The following HNRNPK variants were observed in gnomAD, a reference collection of about 807,000 sequenced individuals.
HNRNPK encodes dC-stretch binding protein.
A neutral mutation model predicts 67.0 loss-of-function variants in HNRNPK; 7 were observed. The ratio of observed to expected loss-of-function variants is 0.10; its 90% confidence interval spans 0.06 to 0.20. The LOEUF (loss-of-function observed/expected upper bound fraction) is 0.20. Among genes scored for constraint, HNRNPK ranks in the 10% least tolerant of loss-of-function variants. The pLI, the probability that HNRNPK is intolerant of heterozygous loss-of-function variation, is 1.00. For synonymous variants in HNRNPK, 213 were observed against 193.7 expected (o/e 1.10, Z -0.83); for missense variants, 264 against 606.5 (o/e 0.44, Z 5.93).
At position 83,978,455 on chromosome 9, in the gene HNRNPK, A is replaced by G. The variant is rs564443487; in HGVS notation, c.-107-3T>C. 3.1e-4 allele frequency: 317 copies of G among 1,024,376 alleles called. No homozygotes were observed. Among genetic ancestry groups the G allele is most frequent in the Middle Eastern group, 1.4e-3 (4 of 2,842 alleles). 63.5% of individuals were successfully genotyped at this position (1,024,376 alleles called of 1,614,324 possible). A position where few individuals can be genotyped will look rare whatever the true frequency, so the allele number is the denominator to read the frequency against. ...TGACACCCCAGTGCTGCAGTAGCCT[A>G]TAAGAACCAACACAAATCAGTTTTG... On this transcript the variant is annotated splice_region_variant and splice_polypyrimidine_tract_variant and intron_variant, in intron 1 of 16. Coordinates refer to ENST00000376263, the MANE Select transcript of HNRNPK (RefSeq NM_031263.4).
In HNRNPK at chr9:83,972,209, A is replaced by C. The variant is rs780038177; in HGVS notation, c.646-20T>G. The C allele has an allele frequency of 1.9e-6, 3 of 1,552,020 alleles. No individual in the cohort carries two copies. The highest frequency in any genetic ancestry group is 2.4e-5 in the South Asian group (2 of 82,878). Reference sequence around the variant, plus strand: ...GGGAGACTAAAAACAGAGATGGAACAAACTTACAGACTGAAGAAAAAGAGT... The same window carrying C: ...GGGAGACTAAAAACAGAGATGGAACCAACTTACAGACTGAAGAAAAAGAGT... On this transcript the variant is annotated intron_variant, in intron 10 of 16. Transcript: ENST00000376263.
intron 12 of HNRNPK, 114 bp from the exon 13 acceptor site, chr9:83,971,470 A>G (rs1045455143): frequency 1.3e-5 from 11 of 833,574 alleles, no homozygotes; most frequent in Non-Finnish European, 1.8e-5. Flanking sequence ...ATATATAGGC[A>G]GCAATTTTGT....
rs773743120 is a variant in HNRNPK, at chr9:83,972,132, C to G, written c.703G>C (p.Asp235His). 6.2e-7 allele frequency: 1 copy of G among 1,613,596 alleles called. No homozygotes were observed. Among genetic ancestry groups the G allele is most frequent in the Non-Finnish European group, 8.5e-7 (1 of 1,179,732 alleles). Residue 235 changes from aspartate (D) to histidine (H), a missense_variant, in exon 11 of 17, where the codon GAT becomes CAT. Physicochemically the swap from Asp to His is moderately conservative, Grantham distance 81. Around this residue, in one of 6 missense-constraint regions of HNRNPK, gnomAD observed 142 missense variants for 256.5 expected, o/e 0.55. Transcript: ENST00000376263. ...YDPNFYDETY[D>H]YGGFTMMFDD... ...AACATCATTGTAAAACCACCATAAT[C>G]ATAGGTTTCATCGTAAAAATTGGGA...
intron 1 of HNRNPK, 73 bp from the exon 2 acceptor site, chr9:83,978,525 G>T: frequency 2.6e-6 from 1 of 378,176 alleles, no homozygotes; most frequent in Non-Finnish European, 4.2e-6. Flanking sequence ...CGATCACAGT[G>T]AATACTGATT....
At position 83,968,141 on chromosome 9, in the gene HNRNPK, C is replaced by A. The variant is rs1338090170; in HGVS notation, c.*1266G>T. ...ACGTTTCAACAAATTTTACAGGTGT[C>A]AATCAACCCTTGTTCAAATCGGGCA... On this transcript the variant is annotated 3_prime_UTR_variant, in exon 17 of 17. Coordinates refer to ENST00000376263, the MANE Select transcript of HNRNPK (RefSeq NM_031263.4). The A allele has an allele frequency of 1.3e-5, 2 of 152,554 alleles. No homozygotes were observed. Among genetic ancestry groups the A allele is most frequent in the Non-Finnish European group, 2.9e-5 (2 of 68,016 alleles). 9.5% of individuals were successfully genotyped at this position (152,554 alleles called of 1,614,324 possible). A position where few individuals can be genotyped will look rare whatever the true frequency, so the allele number is the denominator to read the frequency against.
chr9:83,977,316 C>T (rs1156762309), intron 4 of HNRNPK, among the ~76,000 whole-genome samples: 1 of 152,026 alleles, frequency 6.6e-6, no homozygotes, highest in African/African-American at 2.4e-5. Flanking sequence ...TTTATAGCAC[C>T]CTTTGGTAAA....
At chr9:83,969,837 C>G in intron 16 of HNRNPK, 1 of 611,404 alleles carries the variant, frequency 1.6e-6, no homozygotes, top group South Asian at 1.4e-5. Flanking sequence ...GTCTTCCACA[C>G]AGAACTAGGC....
Position 83,972,821 on chromosome 9 carries a change from A to G in HNRNPK, c.645+23T>C, listed in dbSNP as rs948597831. ...CACTTTGTTTCATAAAATCAAATGT[A>G]AACAAAAAGTGTTCTGAAGTACCTC... is the stretch of plus-strand genomic sequence containing the variant. On this transcript the variant is annotated intron_variant, in intron 10 of 16. Coordinates refer to ENST00000376263, the MANE Select transcript of HNRNPK (RefSeq NM_031263.4). 4 of 1,555,434 alleles carry G rather than the reference A, an allele frequency of 2.6e-6. No individual in the cohort carries two copies. The African/African-American group carries it at 5.5e-5, about 22-fold the overall frequency.
intron 10 of HNRNPK, chr9:83,972,418 G>A: frequency 1.9e-6 from 1 of 529,958 alleles, no homozygotes; most frequent in East Asian, 3.2e-5. Context: ...GCCTATACAG[G>A]GAGAAGTAAT....
Position 83,972,185 on chromosome 9 carries a change from G to C in HNRNPK, c.650C>G (p.Pro217Arg). 1 of 1,587,402 alleles carries C rather than the reference G, an allele frequency of 6.3e-7. No homozygotes were observed. The change falls in exon 11 of 17, where the codon CCC becomes CGC. Residue 217 changes from proline (P) to arginine (R), a missense_variant. By Grantham distance (103) the Pro-to-Arg change is moderately radical. Coordinates refer to ENST00000376263, the MANE Select transcript of HNRNPK (RefSeq NM_031263.4). ...KIILDLISES[P>R]IKGRAQPYDP... ...ATAAGGCTGTGCACGTCCTTTGATG[G>C]GAGACTAAAAACAGAGATGGAACAA...
chr9:83,978,161 A>C (rs1957157093), intron 3 of HNRNPK, 34 bp downstream of exon 3: 2 of 1,394,326 alleles, frequency 1.4e-6, no homozygotes, highest in Admixed American at 1.7e-5. Context: ...TAACAGGATA[A>C]AAAAATACTG....
At chr9:83,971,841 T>C (rs1456213334) in intron 11 of HNRNPK, 41 bp downstream of exon 11, 5 of 1,563,096 alleles carry the variant, frequency 3.2e-6, no homozygotes, top group Non-Finnish European at 4.3e-6. Flanking sequence ...AATTCATAGA[T>C]GGGGGAAGAA....
intron 3 of HNRNPK, among the ~76,000 whole-genome samples, 176 bp downstream of exon 3, chr9:83,978,019 A>C (rs1439199789): frequency 6.6e-6 from 1 of 152,248 alleles, no homozygotes; most frequent in Non-Finnish European, 1.5e-5. Flanking sequence ...CTTTATATGC[A>C]AATCAGTTAC....
At chr9:83,976,073 T>C (rs1011522645) in intron 5 of HNRNPK, among the ~76,000 whole-genome samples, 1 of 152,052 alleles carries the variant, frequency 6.6e-6, no homozygotes, top group African/African-American at 2.4e-5. Flanking sequence ...AAAACAAAAA[T>C]TCCCACACCA....
rs751111735 is a variant in HNRNPK at position 83,978,293 on chromosome 9, A to G, written c.-27-14T>C. ...GGGCACACCAATCTGTGGAAAAATAAAGCAGCTAGTACATTTGGCTTATTG... is the reference window on the plus strand; with the variant it reads ...GGGCACACCAATCTGTGGAAAAATAGAGCAGCTAGTACATTTGGCTTATTG... On this transcript the variant is annotated splice_polypyrimidine_tract_variant and intron_variant, in intron 2 of 16. Coordinates refer to ENST00000376263, the MANE Select transcript of HNRNPK (RefSeq NM_031263.4). 1.6e-5 allele frequency: 26 copies of G among 1,597,598 alleles called. No individual in the cohort carries two copies. The East Asian group carries it at 5.4e-4, about 33-fold the overall frequency.
At position 83,976,095 on chromosome 9, in the gene HNRNPK, AACT is replaced by A. The variant is rs1483135495; in HGVS notation, c.214-593_214-591del. 5.3e-5 allele frequency among the ~76,000 whole-genome samples: 8 copies of A among 152,290 alleles called. No individual in the cohort carries two copies. In the East Asian group the frequency reaches 1.5e-3, roughly 29 times the overall value. On this transcript the variant is annotated intron_variant, in intron 5 of 16. Coordinates refer to ENST00000376263, the MANE Select transcript of HNRNPK (RefSeq NM_031263.4). Reference sequence around the variant, plus strand: ...AAATTCCCACACCACCAAAAACCCTAACTAATAAGACTGGTTTGGTTTTCTGGA... The same window carrying A: ...AAATTCCCACACCACCAAAAACCCTAAATAAGACTGGTTTGGTTTTCTGGA...
chr9:83,979,036 AAC>A (rs1312902814), intron 1 of HNRNPK, among the ~76,000 whole-genome samples: 2 of 152,356 alleles, frequency 1.3e-5, no homozygotes, highest in South Asian at 2.1e-4. Flanking sequence ...CTTGAAAACT[AAC>A]AGTCACTAGC....
At chr9:83,980,475 A>G (rs1043750893), upstream of HNRNPK, 8 of 152,796 alleles carry the variant, frequency 5.2e-5, no homozygotes, top group African/African-American at 1.9e-4. Flanking sequence ...CGAATCAGCA[A>G]TACCCAAGCT....
chr9:83,974,780 C>A (rs1282230678), intron 6 of HNRNPK, among the ~76,000 whole-genome samples, 191 bp from the exon 7 acceptor site: 1 of 152,130 alleles, frequency 6.6e-6, no homozygotes, highest in Admixed American at 6.5e-5. Context: ...GACATGATAA[C>A]AATATTAGGA....
Sources: gnomAD v4.1 joint callset for allele counts (sites outside exome capture counted in the v4.1 genomes callset) on GRCh38, gnomAD v4.1.1 for gene constraint, gnomAD v4.1.1 regional missense constraint, MANE v1.5 for transcripts, NCBI Gene and HGNC (gene_info 2026-07-23, HGNC 2026-07-21) for gene names.